The following USP12 variants were observed in gnomAD, a reference collection of about 807,000 sequenced individuals.
USP12 encodes ubiquitin carboxyl-terminal hydrolase 12.
Under a neutral mutation model 45.5 loss-of-function variants are expected in USP12, and 19 were observed. The ratio of observed to expected loss-of-function variants is 0.42; its 90% CI spans 0.29 to 0.61. USP12 has a LOEUF of 0.61. USP12 is among the 20% of genes least tolerant of loss of function. The pLI is 0.22. For missense variants in USP12, 242 were observed against 447.7 expected (o/e 0.54, Z 4.15); for synonymous variants, 149 against 148.8 (o/e 1.00, Z -0.01).
intron 3 of USP12, among the ~76,000 whole-genome samples, chr13:27,097,811 T>C (rs1425883390): frequency 6.6e-6 from 1 of 152,176 alleles, no homozygotes; most frequent in East Asian, 1.9e-4. Context: ...ACATGTTGAA[T>C]ATCCTTTATC....
chr13:27,149,908 T>C (rs1877493253), intron 1 of USP12, among the ~76,000 whole-genome samples: 1 of 152,234 alleles, frequency 6.6e-6, no homozygotes, highest in South Asian at 2.1e-4. Flanking sequence ...TGCCTTCTAC[T>C]GATCTGACAA....
intron 2 of USP12, among the ~76,000 whole-genome samples, chr13:27,108,804 A>C (rs1360207437): frequency 6.6e-6 from 1 of 152,200 alleles, no homozygotes; most frequent in Non-Finnish European, 1.5e-5. Context: ...CTGAAATTAC[A>C]AAAATTAGCC....
intron 1 of USP12, among the ~76,000 whole-genome samples, chr13:27,155,699 C>G (rs1481208214): frequency 6.6e-6 from 1 of 152,112 alleles, no homozygotes; most frequent in Non-Finnish European, 1.5e-5. Flanking sequence ...ACTACTTTGT[C>G]AAGTTTTAGT....
intron 1 of USP12, among the ~76,000 whole-genome samples, chr13:27,136,075 C>G (rs1030848048): frequency 2.6e-5 from 4 of 152,124 alleles, no homozygotes; most frequent in Non-Finnish European, 5.9e-5. Context: ...TAGGTGATTA[C>G]AATAAAGTAA....
At chr13:27,077,239 CAT>C (rs533857283) in intron 6 of USP12, 117 of 152,266 alleles carry the variant, frequency 7.7e-4, no homozygotes, top group African/African-American at 2.7e-3. Context: ...ATTAAACCCA[CAT>C]AGAGTTACTG....
At chr13:27,091,964 G>T (rs767102899) in intron 4 of USP12, among the ~76,000 whole-genome samples, 3 of 152,130 alleles carry the variant, frequency 2.0e-5, no homozygotes, top group Non-Finnish European at 4.4e-5. Flanking sequence ...TCTCTGGCTG[G>T]CATGGCATCC....
chr13:27,086,511 C>T (rs117132252), intron 6 of USP12, among the ~76,000 whole-genome samples: 7,106 of 151,920 alleles, frequency 0.047, 190 homozygotes, highest in Admixed American at 0.077. Context: ...TCTCGATTTA[C>T]ATTTATCCGT....
intron 6 of USP12, among the ~76,000 whole-genome samples, chr13:27,084,166 G>T (rs1873892109): frequency 1.0e-5 from 1 of 99,078 alleles, no homozygotes. Flanking sequence ...ATCCATGTTT[G>T]CATACACACA....
intron 2 of USP12, among the ~76,000 whole-genome samples, chr13:27,106,389 T>C (rs73155885): frequency 0.05 from 7,278 of 146,454 alleles, 234 homozygotes; most frequent in Middle Eastern, 0.06. Context: ...ACTCTAGTAA[T>C]TGGGGCGAGA....
intron 1 of USP12, among the ~76,000 whole-genome samples, chr13:27,152,363 G>A (rs1365614821): frequency 1.3e-5 from 2 of 152,138 alleles, no homozygotes; most frequent in Non-Finnish European, 2.9e-5. Context: ...CAAAGTAAAA[G>A]CAGCCAGTCC....
chr13:27,079,855 A>G (rs992543855), intron 6 of USP12, among the ~76,000 whole-genome samples: 1 of 152,192 alleles, frequency 6.6e-6, no homozygotes, highest in South Asian at 2.1e-4. Flanking sequence ...TTGTACAGAC[A>G]TTCAGTTCCA....
In USP12 at chr13:27,075,221, T is replaced by C; in HGVS notation, c.902A>G (p.Asp301Gly). Residue 301 changes from aspartate to glycine, a missense_variant, in exon 7 of 9, where the codon GAC becomes GGC. By Grantham distance (94) the Asp-to-Gly change is moderately conservative. Transcript: ENST00000282344. ...ACAGTGAACCACAACAGCAACAAGG[T>C]CGTACATTCTGTCTGGATTGGTGGC... Reference protein sequence around the residue: ...GDATNPDRMYDLVAVVVHCGS... With the variant: ...GDATNPDRMYGLVAVVVHCGS... 1 of 1,613,928 alleles carries C rather than the reference T, an allele frequency of 6.2e-7. No individual in the cohort carries two copies. The highest frequency in any genetic ancestry group is 8.5e-7 in the Non-Finnish European group (1 of 1,179,838).
chr13:27,099,281 G>T (rs1874746168), intron 3 of USP12, among the ~76,000 whole-genome samples: 1 of 151,896 alleles, frequency 6.6e-6, no homozygotes, highest in African/African-American at 2.4e-5. Context: ...TTATTTGCAT[G>T]CTTAAAAATA....
intron 6 of USP12, among the ~76,000 whole-genome samples, chr13:27,078,955 G>A (rs769984676): frequency 2.0e-5 from 3 of 151,000 alleles, no homozygotes; most frequent in Non-Finnish European, 2.9e-5. Context: ...AAGAAGTCTC[G>A]ATAAATTTCA....
At chr13:27,128,663 A>C (rs369068393) in intron 1 of USP12, among the ~76,000 whole-genome samples, 1 of 152,196 alleles carries the variant, frequency 6.6e-6, no homozygotes, top group East Asian at 1.9e-4. Context: ...GATAATTTCT[A>C]TATCTATTCC....
intron 6 of USP12, among the ~76,000 whole-genome samples, chr13:27,079,678 ATT>A (rs1873659700): frequency 6.6e-6 from 1 of 152,186 alleles, no homozygotes; most frequent in Non-Finnish European, 1.5e-5. Flanking sequence ...TAAATTTCCT[ATT>A]TTTATAAATT....
intron 4 of USP12, among the ~76,000 whole-genome samples, chr13:27,094,903 T>A (rs1874498519): frequency 6.6e-6 from 1 of 151,998 alleles, no homozygotes; most frequent in Non-Finnish European, 1.5e-5. Context: ...ATCCCAGAAC[T>A]TTGAGAGGCC....
chr13:27,142,535 T>A lies in USP12; in HGVS notation c.49-25939A>T, dbSNP rs150692176. Among the ~76,000 whole-genome samples, 11 of 152,342 alleles carry A rather than the reference T, an allele frequency of 7.2e-5. No homozygotes were observed. In the East Asian group the frequency reaches 2.1e-3, roughly 29 times the overall value. The stretch of plus-strand genomic sequence containing the variant: ...ATGTGCACTTAAGTTTTTACGAATG[T>A]ACACACAAATATACATTTGTCAAGC... On this transcript the variant is annotated intron_variant, in intron 1 of 8. Transcript: ENST00000282344.
intron 2 of USP12, among the ~76,000 whole-genome samples, chr13:27,109,908 T>C (rs1480261370): frequency 1.0e-3 from 16 of 15,850 alleles, no homozygotes; most frequent in Admixed American, 6.2e-3. Flanking sequence ...TGAGACTCTG[T>C]CTCCAAAAAA....
Sources: allele counts gnomAD v4.1 joint callset (sites outside exome capture counted in the v4.1 genomes callset), GRCh38; gene constraint gnomAD v4.1.1; transcripts MANE v1.5; gene names NCBI Gene and HGNC (gene_info 2026-07-23, HGNC 2026-07-21).